PPP1CB: variants seen among roughly 807,000 people sequenced by gnomAD.
PPP1CB encodes protein phosphatase 1 catalytic subunit beta.
A neutral mutation model predicts 43.7 loss-of-function variants in PPP1CB; 2 were observed. That is an observed-to-expected ratio of 0.05 (90% CI 0.02 to 0.14). PPP1CB has a LOEUF of 0.14. PPP1CB is among the 10% of genes least tolerant of loss of function. The pLI, the probability that PPP1CB is intolerant of heterozygous loss-of-function variation, is 1.00. For synonymous variants in PPP1CB, 136 were observed against 135.6 expected (o/e 1.00, Z -0.02); for missense variants, 84 against 398.0 (o/e 0.21, Z 6.71).
At chr2:28,782,307 A>G (rs1363325868) in intron 4 of PPP1CB, among the ~76,000 whole-genome samples, 1 of 152,204 alleles carries the variant, frequency 6.6e-6, no homozygotes, top group East Asian at 1.9e-4. Flanking sequence ...GTTACTCTGT[A>G]TGGCTTATGA....
At position 28,755,693 on chromosome 2, in the gene PPP1CB, A is replaced by G. The variant is rs79730962; in HGVS notation, c.52+3517A>G. ...TCATCTGGGGAACTTCATTCAAACTATAAGTGCTAAGTTTATTTTGGAGGA... is the reference window on the plus strand; with the variant it reads ...TCATCTGGGGAACTTCATTCAAACTGTAAGTGCTAAGTTTATTTTGGAGGA... On this transcript the variant is annotated intron_variant, in intron 1 of 7. Transcript: ENST00000395366. 5.8e-3 allele frequency among the ~76,000 whole-genome samples: 879 copies of G among 152,316 alleles called. 2 individuals are homozygous for G. Among genetic ancestry groups the G allele is most frequent in the Non-Finnish European group, 8.8e-3 (602 of 68,028 alleles).
intron 2 of PPP1CB, 45 bp from the exon 3 acceptor site, chr2:28,778,764 A>T: frequency 7.9e-7 from 1 of 1,272,352 alleles, no homozygotes; most frequent in South Asian, 1.2e-5. Flanking sequence ...GAAGCTGCTT[A>T]TAACAGTAAC....
chr2:28,767,359 G>A (rs527813330), intron 1 of PPP1CB, among the ~76,000 whole-genome samples: 1 of 151,890 alleles, frequency 6.6e-6, no homozygotes, highest in Admixed American at 6.5e-5. Context: ...TATATGTTGT[G>A]GTTTTTTTTT....
At chr2:28,766,484 C>T (rs546835344) in intron 1 of PPP1CB, among the ~76,000 whole-genome samples, 2 of 152,346 alleles carry the variant, frequency 1.3e-5, no homozygotes, top group South Asian at 4.1e-4. Context: ...ACTTTACCAT[C>T]ATCAGTTGTG....
intron 5 of PPP1CB, among the ~76,000 whole-genome samples, chr2:28,785,445 GT>G (rs1286754126): frequency 6.6e-6 from 1 of 151,990 alleles, no homozygotes; most frequent in Admixed American, 6.6e-5. Flanking sequence ...TTTTATCACA[GT>G]TTTTGATTGT....
Position 28,780,501 on chromosome 2 carries a change from A to C in PPP1CB, c.416-1237A>C, listed in dbSNP as rs1016315840. Among the ~76,000 whole-genome samples, 3 of 152,218 alleles carry C rather than the reference A, an allele frequency of 2.0e-5. No homozygotes were observed. In the East Asian group the frequency reaches 5.8e-4, roughly 29 times the overall value. On this transcript the variant is annotated intron_variant, in intron 3 of 7. Transcript: ENST00000395366. ...ATTTAAATCAGACTAGCAGAGAGAAAGTGGGTTGGAGTACATCAAACTACA... is the reference window on the plus strand; with the variant it reads ...ATTTAAATCAGACTAGCAGAGAGAACGTGGGTTGGAGTACATCAAACTACA...
Position 28,751,850 on chromosome 2 carries a change from G to A in PPP1CB, c.-275G>A, listed in dbSNP as rs748557449. On this transcript the variant is annotated 5_prime_UTR_variant, in exon 1 of 8. Coordinates refer to ENST00000395366, the MANE Select transcript of PPP1CB (RefSeq NM_002709.3). ...GCTTTGCGGAGCTGGGCGGTGCCGA[G>A]GAGGAGGAGGTGGCGGCCTGGGTCT... 12 of 527,110 alleles carry A rather than the reference G, an allele frequency of 2.3e-5. No individual in the cohort carries two copies. Among genetic ancestry groups the A allele is most frequent in the Admixed American group, 6.0e-5 (2 of 33,518 alleles). The allele number at this position is 527,110 out of a possible 1,614,324, so 32.7% of individuals were successfully genotyped here. A position where few individuals can be genotyped will look rare whatever the true frequency, so the allele number is the denominator to read the frequency against.
At chr2:28,782,364 A>G (rs1327900117) in intron 4 of PPP1CB, among the ~76,000 whole-genome samples, 1 of 152,210 alleles carries the variant, frequency 6.6e-6, no homozygotes, top group Non-Finnish European at 1.5e-5. Flanking sequence ...ATTAATGTAT[A>G]TGTCTAACAC....
chr2:28,755,003 T>G (rs1409387438), intron 1 of PPP1CB, among the ~76,000 whole-genome samples: 3 of 152,170 alleles, frequency 2.0e-5, no homozygotes, highest in Non-Finnish European at 2.9e-5. Context: ...TATGAGTTGC[T>G]TTTTGTTTTT....
chr2:28,768,792 G>A (rs565206993), intron 1 of PPP1CB, among the ~76,000 whole-genome samples: 48 of 151,890 alleles, frequency 3.2e-4, no homozygotes, highest in African/African-American at 1.1e-3. Context: ...TAATGAAACT[G>A]AATTGACCAA....
At position 28,752,028 on chromosome 2, in the gene PPP1CB, T is replaced by C; in HGVS notation, c.-97T>C. On this transcript the variant is annotated 5_prime_UTR_variant, in exon 1 of 8. Coordinates refer to ENST00000395366, the MANE Select transcript of PPP1CB (RefSeq NM_002709.3). ...TTGGAGCCGGGGTCGAAACGCCGCG[T>C]GACTTGTAGGTGAGAGAACGCCGAG... 1 of 1,196,882 alleles carries C rather than the reference T, an allele frequency of 8.4e-7. No individual in the cohort carries two copies. The highest frequency in any genetic ancestry group is 2.0e-5 in the Admixed American group (1 of 50,258). The allele number at this position is 1,196,882 out of a possible 1,614,324, so 74.1% of individuals were successfully genotyped here.
intron 1 of PPP1CB, among the ~76,000 whole-genome samples, chr2:28,760,972 C>T (rs1666630425): frequency 6.6e-6 from 1 of 152,158 alleles, no homozygotes; most frequent in Non-Finnish European, 1.5e-5. Flanking sequence ...GCAGTCTCGG[C>T]TCACTGCAGC....
chr2:28,794,028 A>G lies in PPP1CB; in HGVS notation c.879+31A>G, dbSNP rs763176486. 2.4e-5 allele frequency: 37 copies of G among 1,530,796 alleles called. 1 individual carries two copies. The East Asian group carries it at 6.2e-4, about 26-fold the overall frequency. 94.8% of individuals were successfully genotyped at this position (1,530,796 alleles called of 1,614,324 possible). On this transcript the variant is annotated intron_variant, in intron 7 of 7. Transcript: ENST00000395366. ...ATGTAAACATAAATATATAAGAACT[A>G]GAAATCTAATAAAAACTATTATCAG...
intron 5 of PPP1CB, among the ~76,000 whole-genome samples, chr2:28,786,379 G>A (rs1310869640): frequency 6.6e-6 from 1 of 152,118 alleles, no homozygotes; most frequent in African/African-American, 2.4e-5. Flanking sequence ...CTCCCAAAGT[G>A]CTGGGATTAC....
chr2:28,783,756 C>CG (rs1667204280), intron 4 of PPP1CB, 151 bp from the exon 5 acceptor site: 6 of 542,842 alleles, frequency 1.1e-5, no homozygotes, highest in Admixed American at 3.2e-5. Context: ...GATTCTGTCT[C>CG]GAAAAAAAAA....
At chr2:28,798,391 T>G in intron 7 of PPP1CB, among the ~76,000 whole-genome samples, 1 of 152,180 alleles carries the variant, frequency 6.6e-6, no homozygotes, top group Admixed American at 6.5e-5. Flanking sequence ...ACACAAAAAC[T>G]GTTACATAAA....
intron 1 of PPP1CB, among the ~76,000 whole-genome samples, chr2:28,767,921 G>A (rs1666817288): frequency 6.6e-6 from 1 of 152,152 alleles, no homozygotes; most frequent in East Asian, 1.9e-4. Context: ...AAACATGATT[G>A]TAGAAAGATA....
At chr2:28,782,171 C>T (rs948588543) in intron 4 of PPP1CB, among the ~76,000 whole-genome samples, 1 of 152,088 alleles carries the variant, frequency 6.6e-6, no homozygotes, top group African/African-American at 2.4e-5. Context: ...ATATTGAAAT[C>T]TTTCATCAGA....
chr2:28,763,526 C>A (rs1245981914), intron 1 of PPP1CB, among the ~76,000 whole-genome samples: 3 of 151,612 alleles, frequency 2.0e-5, no homozygotes, highest in Non-Finnish European at 2.9e-5. Flanking sequence ...TCACTCTTTT[C>A]TCATTATACT....
Sources: allele counts gnomAD v4.1 joint callset (sites outside exome capture counted in the v4.1 genomes callset), GRCh38; gene constraint gnomAD v4.1.1; transcripts MANE v1.5; gene names NCBI Gene and HGNC (gene_info 2026-07-23, HGNC 2026-07-21).